The following ZC3HC1 variants were observed in gnomAD, a reference collection of about 807,000 sequenced individuals.
ZC3HC1 encodes the protein zinc finger C3HC-type containing 1, also known as zinc finger C3HC-type protein 1.
A neutral mutation model predicts 61.9 loss-of-function variants in ZC3HC1; 38 were observed. The observed-to-expected ratio is 0.61, with a 90% CI of 0.47 to 0.81. The LOEUF is 0.81. ZC3HC1 is among the 30% of genes least tolerant of loss of function. The pLI is 0.00. For missense variants in ZC3HC1, 554 were observed against 622.7 expected (o/e 0.89, Z 1.17); for synonymous variants, 213 against 229.9 (o/e 0.93, Z 0.67).
chr7:130,025,861 A>G, intron 6 of ZC3HC1, among the ~76,000 whole-genome samples: 1 of 85,700 alleles, frequency 1.2e-5, no homozygotes, highest in Admixed American at 2.0e-4. Flanking sequence ...ACAGAATGAG[A>G]CTCCGTCTCA....
At position 130,025,151 on chromosome 7, in the gene ZC3HC1, C is replaced by T. The variant is rs185354952; in HGVS notation, c.777-645G>A. Among the ~76,000 whole-genome samples, 361 of 151,040 alleles carry T rather than the reference C, an allele frequency of 2.4e-3. 1 individual carries two copies. Among genetic ancestry groups the T allele is most frequent in the African/African-American group, 8.4e-3 (347 of 41,280 alleles). On this transcript the variant is annotated intron_variant, in intron 6 of 9. Coordinates refer to ENST00000358303, the MANE Select transcript of ZC3HC1 (RefSeq NM_016478.5). The stretch of plus-strand genomic sequence containing the variant: ...GAATTCCTGACCTCAGGTGATCCAC[C>T]CGCCTTGGCCTCCCAAAGTGCTGGG...
intron 9 of ZC3HC1, among the ~76,000 whole-genome samples, chr7:130,019,036 T>G (rs1793499840): frequency 6.6e-6 from 1 of 151,292 alleles, no homozygotes; most frequent in Non-Finnish European, 1.5e-5. Context: ...GTACAGCACA[T>G]GTTTTGCACT....
At chr7:130,032,496 A>G (rs1308055249) in intron 4 of ZC3HC1, among the ~76,000 whole-genome samples, 1 of 151,108 alleles carries the variant, frequency 6.6e-6, no homozygotes, top group Non-Finnish European at 1.5e-5. Context: ...AAAAAAAAAA[A>G]TTAGCTGGAT....
At chr7:130,045,068 T>G (rs1480512177) in intron 2 of ZC3HC1, among the ~76,000 whole-genome samples, 1 of 152,200 alleles carries the variant, frequency 6.6e-6, no homozygotes, top group Non-Finnish European at 1.5e-5. Context: ...TTAGTATAAC[T>G]GATGGAAAAA....
At chr7:130,019,705 G>GAAGA (rs1391341087) in intron 9 of ZC3HC1, among the ~76,000 whole-genome samples, 2 of 151,216 alleles carry the variant, frequency 1.3e-5, no homozygotes, top group African/African-American at 4.9e-5. Context: ...GAGTCACAAT[G>GAAGA]AAGAGCAAGT....
At chr7:130,044,084 G>A (rs137879537) in intron 2 of ZC3HC1, among the ~76,000 whole-genome samples, 2,386 of 152,254 alleles carry the variant, frequency 0.016, 34 homozygotes, top group Middle Eastern at 0.024. Flanking sequence ...GTGTCTGTGT[G>A]TGTGTACATA....
intron 4 of ZC3HC1, 84 bp from the exon 5 acceptor site, chr7:130,029,113 G>A: frequency 6.9e-7 from 1 of 1,441,812 alleles, no homozygotes; most frequent in Non-Finnish European, 9.3e-7. Context: ...GCTCATACCT[G>A]TAATCCCAGC....
Position 130,024,457 on chromosome 7 carries a change from T to C in ZC3HC1, c.826A>G (p.Met276Val), listed in dbSNP as rs1793796602. Residue 276 changes from methionine (M) to valine (V), a missense_variant, in exon 7 of 10, where the codon ATG becomes GTG. Met to Val is a conservative substitution (Grantham distance 21). Coordinates refer to ENST00000358303, the MANE Select transcript of ZC3HC1 (RefSeq NM_016478.5). ...AAGCCCCAGAGCCCCACCTTCCTCA[T>C]ACATTGCGAACATGTTATCAGGGAG... The part of the protein sequence containing the change: ...QLSLITCSQC[M>V]RKVGLWGFQQ... 6.2e-7 allele frequency: 1 copy of C among 1,613,894 alleles called. No individual in the cohort carries two copies. The highest frequency in any genetic ancestry group is 1.3e-5 in the African/African-American group (1 of 74,914).
rs148026361 is a variant in ZC3HC1 at position 130,038,150 on chromosome 7, C to A, written c.493+1314G>T. 8.1e-3 allele frequency among the ~76,000 whole-genome samples: 1,230 copies of A among 152,268 alleles called. 11 individuals carry two copies. The highest frequency in any genetic ancestry group is 0.011 in the Non-Finnish European group (778 of 68,022). On this transcript the variant is annotated intron_variant, in intron 4 of 9. Coordinates refer to ENST00000358303, the MANE Select transcript of ZC3HC1 (RefSeq NM_016478.5). ...AGATTACACTTTGGGCTCTCTTATT[C>A]CAAAGTGTTCTGTGCACACATCAGT...
intron 4 of ZC3HC1, among the ~76,000 whole-genome samples, chr7:130,036,369 G>A (rs2116729193): frequency 6.6e-6 from 1 of 152,066 alleles, no homozygotes; most frequent in South Asian, 2.1e-4. Context: ...ATAACACTTT[G>A]GGAGGCTGAG....
intron 4 of ZC3HC1, among the ~76,000 whole-genome samples, chr7:130,029,786 T>C (rs1005105697): frequency 1.3e-5 from 2 of 152,188 alleles, no homozygotes; most frequent in East Asian, 1.9e-4. Context: ...GATGCTTAAA[T>C]AGGTGAAAAG....
At chr7:130,032,785 G>A (rs1427013431) in intron 4 of ZC3HC1, among the ~76,000 whole-genome samples, 1 of 124,292 alleles carries the variant, frequency 8.0e-6, no homozygotes, top group Non-Finnish European at 1.7e-5. Flanking sequence ...AGGGAGGGAG[G>A]GGAGGGAAGG....
chr7:130,045,547 T>A, intron 2 of ZC3HC1: 2 of 457,416 alleles, frequency 4.4e-6, no homozygotes, highest in Non-Finnish European at 4.4e-6. Context: ...GGAAAACAAG[T>A]GGCAATTACT....
intron 1 of ZC3HC1, among the ~76,000 whole-genome samples, chr7:130,050,709 C>G (rs1795041816): frequency 1.3e-5 from 2 of 152,178 alleles, no homozygotes; most frequent in Admixed American, 1.3e-4. Flanking sequence ...ATCACTACTT[C>G]AAAATTATGG....
Position 130,023,965 on chromosome 7 carries a change from A to G in ZC3HC1, c.1021-242T>C, listed in dbSNP as rs957630012. On this transcript the variant is annotated intron_variant, in intron 7 of 9. Coordinates refer to ENST00000358303, the MANE Select transcript of ZC3HC1 (RefSeq NM_016478.5). This position sits in a 1 kb window ranked among gnomAD's most constrained non-coding sequence, Gnocchi z 4.2. ...CAGGTGCCTGCCACCACACCTGGCT[A>G]ATTTTTGCATTTTTGGTAGAGACGG... 3.6e-4 allele frequency among the ~76,000 whole-genome samples: 55 copies of G among 151,908 alleles called. No individual in the cohort carries two copies. Among genetic ancestry groups the G allele is most frequent in the African/African-American group, 1.2e-3 (49 of 41,362 alleles).
intron 1 of ZC3HC1, chr7:130,050,324 G>C (rs1563088046): frequency 8.3e-6 from 9 of 1,082,278 alleles, no homozygotes; most frequent in Admixed American, 4.8e-5. Context: ...TGATCTGCCC[G>C]CTTCAGCCTC....
At chr7:130,024,690 T>C (rs1298782272) in intron 6 of ZC3HC1, among the ~76,000 whole-genome samples, 184 bp from the exon 7 acceptor site, 2 of 152,036 alleles carry the variant, frequency 1.3e-5, no homozygotes, top group East Asian at 1.9e-4. Context: ...ATATTTCCCA[T>C]AGAAAGACCT....
chr7:130,045,348 A>C, intron 2 of ZC3HC1: 1 of 364,456 alleles, frequency 2.7e-6, no homozygotes, highest in Non-Finnish European at 5.6e-6. Context: ...CACACAGGGA[A>C]TAAAGTAGTG....
chr7:130,030,701 G>A (rs1293868868), intron 4 of ZC3HC1, among the ~76,000 whole-genome samples: 3 of 146,512 alleles, frequency 2.0e-5, no homozygotes, highest in African/African-American at 5.0e-5. Context: ...AGACAATCTC[G>A]CTGTTGCCCA....
Sources: gnomAD v4.1 joint callset for allele counts (sites outside exome capture counted in the v4.1 genomes callset) on GRCh38, gnomAD v4.1.1 for gene constraint, Gnocchi (gnomAD v3.1) non-coding constraint, MANE v1.5 for transcripts, NCBI Gene and HGNC (gene_info 2026-07-23, HGNC 2026-07-21) for gene names.